Variants in GALNTL6 observed in about 807,000 individuals in gnomAD.
The protein encoded by GALNTL6 is polypeptide N-acetylgalactosaminyltransferase-like 6.
A neutral mutation model predicts 73.7 loss-of-function variants in GALNTL6; 46 were observed. The observed-to-expected ratio is 0.62, with a 90% CI of 0.49 to 0.80. GALNTL6 has a LOEUF of 0.80. Among genes scored for constraint, GALNTL6 ranks in the 30% least tolerant of loss-of-function variants. The pLI is 0.00. For synonymous variants in GALNTL6, 259 were observed against 263.7 expected (o/e 0.98, Z 0.17); for missense variants, 604 against 755.0 (o/e 0.80, Z 2.34).
chr4:172,397,610 G>A (rs536036401), intron 5 of GALNTL6, among the ~76,000 whole-genome samples: 2 of 148,996 alleles, frequency 1.3e-5, no homozygotes, highest in East Asian at 2.0e-4. Flanking sequence ...ATGGAGTCTC[G>A]CTCTGTCGCC....
intron 6 of GALNTL6, among the ~76,000 whole-genome samples, chr4:172,812,267 A>G (rs1741352908): frequency 6.6e-6 from 1 of 152,228 alleles, no homozygotes; most frequent in East Asian, 1.9e-4. Context: ...TCCTTACTGC[A>G]AGAACTTTAT....
At chr4:172,309,360 T>A (rs1740268923) in intron 3 of GALNTL6, among the ~76,000 whole-genome samples, 1 of 152,094 alleles carries the variant, frequency 6.6e-6, no homozygotes, top group Non-Finnish European at 1.5e-5. Flanking sequence ...GAATAACATG[T>A]TTGTAAATCA....
chr4:171,837,291 G>A (rs494219), intron 2 of GALNTL6, among the ~76,000 whole-genome samples: 37,707 of 151,824 alleles, frequency 0.25, 4,790 homozygotes, highest in Middle Eastern at 0.35. Context: ...AATCTAGGAC[G>A]TAATCCATAC....
intron 5 of GALNTL6, among the ~76,000 whole-genome samples, chr4:172,695,234 G>T (rs1290035660): frequency 6.6e-6 from 1 of 152,090 alleles, no homozygotes; most frequent in African/African-American, 2.4e-5. Context: ...CAAAAAAGAT[G>T]TAATGATTTA....
intron 5 of GALNTL6, among the ~76,000 whole-genome samples, chr4:172,546,251 C>T (rs760605065): frequency 4.6e-5 from 7 of 152,032 alleles, no homozygotes; most frequent in Non-Finnish European, 7.4e-5. Flanking sequence ...CTGTGTTTTA[C>T]CAGAGGACAG....
intron 5 of GALNTL6, among the ~76,000 whole-genome samples, chr4:172,487,272 CTCTT>C (rs1196267964): frequency 3.9e-5 from 5 of 127,800 alleles, no homozygotes; most frequent in South Asian, 2.6e-4. Context: ...CCTTCCTTTC[CTCTT>C]TCTTTCTTTC....
intron 2 of GALNTL6, among the ~76,000 whole-genome samples, chr4:171,883,741 G>A (rs549569228): frequency 8.6e-5 from 13 of 151,482 alleles, no homozygotes; most frequent in East Asian, 3.9e-4. Flanking sequence ...TCCGCCTCCC[G>A]GGTTCACGCC....
In GALNTL6 at chr4:173,013,765, A is replaced by G. The variant is rs555798572; in HGVS notation, c.1488+4471A>G. Among the ~76,000 whole-genome samples, 15 of 152,288 alleles carry G rather than the reference A, an allele frequency of 9.8e-5. No individual in the cohort carries two copies. The South Asian group carries it at 2.9e-3, about 29-fold the overall frequency. On this transcript the variant is annotated intron_variant, in intron 11 of 12. Coordinates refer to ENST00000506823, the MANE Select transcript of GALNTL6 (RefSeq NM_001034845.3). ...TACAGTAGGATTAAATAAGGTTGAT[A>G]AGTGGTGGAAAATGCATCATGTTTG...
intron 2 of GALNTL6, among the ~76,000 whole-genome samples, chr4:171,946,448 T>C (rs1163721957): frequency 6.6e-6 from 1 of 152,212 alleles, no homozygotes; most frequent in Non-Finnish European, 1.5e-5. Context: ...CTACCTCTCC[T>C]TAACCAGCCA....
intron 2 of GALNTL6, among the ~76,000 whole-genome samples, chr4:172,001,772 C>G (rs1740682983): frequency 6.6e-6 from 1 of 152,166 alleles, no homozygotes; most frequent in South Asian, 2.1e-4. Context: ...CAGGTAGATT[C>G]TTTCTCCCAT....
At chr4:172,153,735 A>G (rs1365852980) in intron 2 of GALNTL6, among the ~76,000 whole-genome samples, 1 of 152,226 alleles carries the variant, frequency 6.6e-6, no homozygotes, top group Non-Finnish European at 1.5e-5. Flanking sequence ...CATCTTGTAC[A>G]ATACAAAACG....
rs1182195328 is a variant in GALNTL6, at chr4:172,546,788, A to ATATATATACG, written c.553+198118_553+198127dup. Reference sequence around the variant, plus strand: ...TTAGAGTTTTTCAACTCCGCTTTATATATATATACGTATATATACGTATAT... The same window carrying ATATATATACG: ...TTAGAGTTTTTCAACTCCGCTTTATATATATATACGTATATATACGTATATATACGTATAT... On this transcript the variant is annotated intron_variant, in intron 5 of 12. Transcript: ENST00000506823. Among the ~76,000 whole-genome samples the ATATATATACG allele has an allele frequency of 1.7e-3, 78 of 45,902 alleles. 7 individuals are homozygous for ATATATATACG. Among genetic ancestry groups the ATATATATACG allele is most frequent in the Non-Finnish European group, 3.2e-3 (62 of 19,526 alleles). 30.1% of individuals were successfully genotyped at this position (45,902 alleles called of 152,430 possible).
intron 2 of GALNTL6, among the ~76,000 whole-genome samples, chr4:172,028,912 T>A (rs1417020711): frequency 6.6e-6 from 1 of 152,060 alleles, no homozygotes; most frequent in Non-Finnish European, 1.5e-5. Flanking sequence ...TGAATCAATA[T>A]GTAGATTCTA....
At chr4:171,926,067 T>C (rs760150892) in intron 2 of GALNTL6, among the ~76,000 whole-genome samples, 3 of 152,162 alleles carry the variant, frequency 2.0e-5, no homozygotes, top group Non-Finnish European at 4.4e-5. Flanking sequence ...CTATGCCTTA[T>C]ATACTTCACA....
intron 2 of GALNTL6, among the ~76,000 whole-genome samples, chr4:172,117,946 A>G (rs565062978): frequency 6.6e-6 from 1 of 152,282 alleles, no homozygotes; most frequent in South Asian, 2.1e-4. Context: ...AAATACAGAA[A>G]CATTCTGGTG....
At chr4:171,943,684 C>T (rs997606234) in intron 2 of GALNTL6, among the ~76,000 whole-genome samples, 1 of 152,160 alleles carries the variant, frequency 6.6e-6, no homozygotes, top group Non-Finnish European at 1.5e-5. Context: ...TTCTTGCTCT[C>T]AACCATTTAT....
Position 172,204,052 on chromosome 4 carries a change from A to AT in GALNTL6, c.139-25597dup, listed in dbSNP as rs35454347. Among the ~76,000 whole-genome samples the AT allele has an allele frequency of 4.0e-3, 603 of 152,188 alleles. 3 individuals are homozygous for AT. The highest frequency in any genetic ancestry group is 0.013 in the African/African-American group (539 of 41,536). On this transcript the variant is annotated intron_variant, in intron 2 of 12. Coordinates refer to ENST00000506823, the MANE Select transcript of GALNTL6 (RefSeq NM_001034845.3). The stretch of plus-strand genomic sequence containing the variant: ...TGAGCCACTGCACCCGGCCAACAGA[A>AT]TTTTTTTAACTAAGTTAATGTGAAG...
At chr4:171,985,800 G>T (rs902867463) in intron 2 of GALNTL6, among the ~76,000 whole-genome samples, 6 of 151,560 alleles carry the variant, frequency 4.0e-5, no homozygotes, top group Non-Finnish European at 8.8e-5. Flanking sequence ...CTTCTGTTGG[G>T]AGGCCGAGGT....
At chr4:172,186,779 A>G (rs545265209) in intron 2 of GALNTL6, among the ~76,000 whole-genome samples, 2 of 152,224 alleles carry the variant, frequency 1.3e-5, no homozygotes, top group African/African-American at 4.8e-5. Flanking sequence ...CTAGGGGGTT[A>G]AAAGAATATG....
Sources: gnomAD v4.1 joint callset for allele counts (sites outside exome capture counted in the v4.1 genomes callset) on GRCh38, gnomAD v4.1.1 for gene constraint, MANE v1.5 for transcripts, NCBI Gene and HGNC (gene_info 2026-07-23, HGNC 2026-07-21) for gene names.